AP1M1: variants seen among roughly 807,000 people sequenced by gnomAD.
The protein encoded by AP1M1 is adaptor related protein complex 1 subunit mu 1.
AP1M1 carries 18 observed loss-of-function variants against 57.1 expected under a neutral mutation model. That is an observed-to-expected ratio of 0.32 (90% CI 0.22 to 0.47). AP1M1 has a LOEUF of 0.47. Among genes scored for constraint, AP1M1 ranks in the 20% least tolerant of loss-of-function variants. AP1M1 has a pLI of 1.00. For synonymous variants in AP1M1, 241 were observed against 237.9 expected (o/e 1.01, Z -0.12); for missense variants, 362 against 593.5 (o/e 0.61, Z 4.05).
In AP1M1 at chr19:16,239,300, G is replaced by C. The variant is rs1438037382; in HGVS notation, c.*4865G>C. 8.4e-6 allele frequency: 1 copy of C among 118,352 alleles called. No homozygotes were observed. The highest frequency in any genetic ancestry group is 3.2e-5 in the African/African-American group (1 of 31,038). The allele number at this position is 118,352 out of a possible 1,614,324, so 7.3% of individuals were successfully genotyped here. A position where few individuals can be genotyped will look rare whatever the true frequency, so the allele number is the denominator to read the frequency against. On this transcript the variant is annotated 3_prime_UTR_variant, in exon 12 of 12. Coordinates refer to ENST00000291439, the MANE Select transcript of AP1M1 (RefSeq NM_032493.4). ...TTTTTAAGACTGCAAAGCTGGGCAT[G>C]GTAGTATGCACCTGTAGTCCCAACT... is the stretch of plus-strand genomic sequence containing the variant.
Position 16,208,162 on chromosome 19 carries a change from G to T in AP1M1, c.398+13G>T. The T allele has an allele frequency of 6.2e-7, 1 of 1,609,366 alleles. No individual in the cohort carries two copies. The highest frequency in any genetic ancestry group is 8.5e-7 in the Non-Finnish European group (1 of 1,177,546). On this transcript the variant is annotated intron_variant, in intron 4 of 11. Coordinates refer to ENST00000291439, the MANE Select transcript of AP1M1 (RefSeq NM_032493.4). ...AGATCCTGCAGGAGTGAGTGGGCAG[G>T]GGTGGGGCCTGGGGCCAGGCCTGGG...
Position 16,209,058 on chromosome 19 carries a change from GA to G in AP1M1, c.430del (p.Thr144GlnfsTer93). 1.2e-6 allele frequency: 2 copies of G among 1,614,160 alleles called. No homozygotes were observed. Among genetic ancestry groups the G allele is most frequent in the Non-Finnish European group, 1.7e-6 (2 of 1,180,010 alleles). ...CATCACTCAGGAAGGCCACAAGCTG[GA>G]AACAGGGGCCCCGCGGCCACCAGCC... ...EYITQEGHKL[E>X]TGAPRPPATV... On this transcript the variant is annotated frameshift_variant, in exon 5 of 12. Transcript: ENST00000291439. LOFTEE classifies it high-confidence loss of function.
chr19:16,206,490 C>T lies in AP1M1; in HGVS notation c.267+82C>T, dbSNP rs2091470095. The T allele has an allele frequency of 1.5e-5, 22 of 1,443,162 alleles. No individual in the cohort carries two copies. The South Asian group carries it at 2.4e-4, about 16-fold the overall frequency. 89.4% of individuals were successfully genotyped at this position (1,443,162 alleles called of 1,614,324 possible). A position where few individuals can be genotyped will look rare whatever the true frequency, so the allele number is the denominator to read the frequency against. On this transcript the variant is annotated intron_variant, in intron 3 of 11. Transcript: ENST00000291439. This position sits in a 1 kb window ranked among gnomAD's most constrained non-coding sequence, Gnocchi z 4.3. ...GTGGACCTCCCCATACCTGGCCACC[C>T]TACAGAGAGCTGTGGCATCCCCAGG...
In AP1M1 at chr19:16,206,938, A is replaced by G. The variant is rs1469003026; in HGVS notation, c.267+530A>G. ...GAGGCCAGCGTGCGTGTGGCAGAGT[A>G]TGAGGCTGAGGTCAGCTGGGAAGAG... On this transcript the variant is annotated intron_variant, in intron 3 of 11. Transcript: ENST00000291439. This position sits in a 1 kb window ranked among gnomAD's most constrained non-coding sequence, Gnocchi z 4.3. 1.3e-5 allele frequency among the ~76,000 whole-genome samples: 2 copies of G among 152,196 alleles called. No individual in the cohort carries two copies. The highest frequency in any genetic ancestry group is 2.9e-5 in the Non-Finnish European group (2 of 68,038).
At chr19:16,221,626 C>T (rs1382733787) in intron 5 of AP1M1, among the ~76,000 whole-genome samples, 1 of 152,236 alleles carries the variant, frequency 6.6e-6, no homozygotes, top group Non-Finnish European at 1.5e-5. Context: ...AGTACAAGGA[C>T]ACAGAATGTA....
chr19:16,242,366 T>A lies in AP1M1; in HGVS notation c.*7931T>A, dbSNP rs2091648537. The A allele has an allele frequency of 1.3e-5, 2 of 152,140 alleles. No individual in the cohort carries two copies. The highest frequency in any genetic ancestry group is 2.9e-5 in the Non-Finnish European group (2 of 68,030). The allele number at this position is 152,140 out of a possible 1,614,324, so 9.4% of individuals were successfully genotyped here. A position where few individuals can be genotyped will look rare whatever the true frequency, so the allele number is the denominator to read the frequency against. On this transcript the variant is annotated 3_prime_UTR_variant, in exon 12 of 12. Coordinates refer to ENST00000291439, the MANE Select transcript of AP1M1 (RefSeq NM_032493.4). Reference sequence around the variant, plus strand: ...GGATAAATGCAGGGATGTTCTAAACTTTTTAAAATAATAAATAATAGTACT... The same window carrying A: ...GGATAAATGCAGGGATGTTCTAAACATTTTAAAATAATAAATAATAGTACT...
chr19:16,213,644 G>A (rs569327699), intron 5 of AP1M1, among the ~76,000 whole-genome samples: 6 of 152,150 alleles, frequency 3.9e-5, no homozygotes, highest in African/African-American at 1.2e-4. Flanking sequence ...ACAGGCACGC[G>A]CCACCACGCC....
At chr19:16,208,829 T>G in intron 4 of AP1M1, 1 of 557,466 alleles carries the variant, frequency 1.8e-6, no homozygotes, top group Admixed American at 3.2e-5. Flanking sequence ...CTTTTGGAAA[T>G]TGTGAAGATT....
At chr19:16,212,910 T>C (rs34251924) in intron 5 of AP1M1, among the ~76,000 whole-genome samples, 100,101 of 151,992 alleles carry the variant, frequency 0.66, 35,213 homozygotes, top group Non-Finnish European at 0.8. Flanking sequence ...TGGGTTTGAG[T>C]GATTTTCTTA....
At chr19:16,205,375 T>G (rs2091465278) in intron 2 of AP1M1, among the ~76,000 whole-genome samples, 1 of 152,052 alleles carries the variant, frequency 6.6e-6, no homozygotes, top group Non-Finnish European at 1.5e-5. Context: ...GAGGCACCCA[T>G]GAGAAGGTGA....
chr19:16,229,107 C>T (rs1372513004), intron 9 of AP1M1, among the ~76,000 whole-genome samples, 179 bp downstream of exon 9: 1 of 152,210 alleles, frequency 6.6e-6, no homozygotes, highest in African/African-American at 2.4e-5. Context: ...GAAGCAGAGG[C>T]TGACTCGGCC....
rs1346014795 is a variant in AP1M1 at position 16,206,266 on chromosome 19, G to T, written c.200-75G>T. The T allele has an allele frequency of 4.7e-6, 7 of 1,479,196 alleles. No individual in the cohort carries two copies. Among genetic ancestry groups the T allele is most frequent in the African/African-American group, 1.4e-5 (1 of 72,146 alleles). 91.6% of individuals were successfully genotyped at this position (1,479,196 alleles called of 1,614,324 possible). ...CTCTGAGGGTTGTGAGGGTTAGGGG[G>T]TCCCTCCATGAACCAGGATCTTCCA... On this transcript the variant is annotated intron_variant, in intron 2 of 11. Transcript: ENST00000291439. This position sits in a 1 kb window ranked among gnomAD's most constrained non-coding sequence, Gnocchi z 4.3.
At chr19:16,213,483 C>T (rs1045712436) in intron 5 of AP1M1, among the ~76,000 whole-genome samples, 5 of 152,008 alleles carry the variant, frequency 3.3e-5, no homozygotes, top group African/African-American at 1.2e-4. Flanking sequence ...GGTGTTATTG[C>T]ATCTGAGATG....
rs34039189 is a variant in AP1M1 at position 16,238,722 on chromosome 19, C to CTTTTT, written c.*4300_*4304dup. The CTTTTT allele has an allele frequency of 8.7e-6, 1 of 115,322 alleles. No homozygotes were observed. Among genetic ancestry groups the CTTTTT allele is most frequent in the Admixed American group, 9.2e-5 (1 of 10,824 alleles). 7.1% of individuals were successfully genotyped at this position (115,322 alleles called of 1,614,324 possible). On this transcript the variant is annotated 3_prime_UTR_variant, in exon 12 of 12. Transcript: ENST00000291439. ...GCTTGTTCTGTATTCTTTCTTTATG[C>CTTTTT]TTTTTTTTTTTTTTTTTGACAGGGT...
At chr19:16,208,172 T>TGGGGCCA in intron 4 of AP1M1, 23 bp downstream of exon 4, 1 of 1,603,240 alleles carries the variant, frequency 6.2e-7, no homozygotes, top group Non-Finnish European at 8.5e-7. Context: ...GGGTGGGGCC[T>TGGGGCCA]GGGGCCAGGC....
chr19:16,214,425 C>T (rs1215363345), intron 5 of AP1M1, among the ~76,000 whole-genome samples: 1 of 149,900 alleles, frequency 6.7e-6, no homozygotes, highest in African/African-American at 2.5e-5. Context: ...GATCTCTGCT[C>T]ACTGCAACCT....
chr19:16,228,244 G>C lies in AP1M1; in HGVS notation c.888+36G>C. On this transcript the variant is annotated intron_variant, in intron 8 of 11. Coordinates refer to ENST00000291439, the MANE Select transcript of AP1M1 (RefSeq NM_032493.4). The surrounding 1 kb of genome is among the most constrained non-coding windows in gnomAD (Gnocchi z 5.0). ...CGAGGCCACCCACTGAGGGCCTTCT[G>C]GTGTCTCTGGCCCGTCCCAGGAGCC... The C allele has an allele frequency of 6.2e-7, 1 of 1,606,640 alleles. No homozygotes were observed. Among genetic ancestry groups the C allele is most frequent in the Non-Finnish European group, 8.5e-7 (1 of 1,175,774 alleles).
chr19:16,208,167 G>T lies in AP1M1; in HGVS notation c.398+18G>T. ...CTGCAGGAGTGAGTGGGCAGGGGTG[G>T]GGCCTGGGGCCAGGCCTGGGCGGTG... is the stretch of plus-strand genomic sequence containing the variant. On this transcript the variant is annotated intron_variant, in intron 4 of 11. Coordinates refer to ENST00000291439, the MANE Select transcript of AP1M1 (RefSeq NM_032493.4). The T allele has an allele frequency of 6.2e-7, 1 of 1,607,368 alleles. No individual in the cohort carries two copies. Among genetic ancestry groups the T allele is most frequent in the Non-Finnish European group, 8.5e-7 (1 of 1,176,600 alleles).
chr19:16,205,175 G>A (rs1026777420), intron 2 of AP1M1, among the ~76,000 whole-genome samples: 2 of 152,136 alleles, frequency 1.3e-5, no homozygotes, highest in African/African-American at 2.4e-5. Context: ...CTCTGAAGCC[G>A]CCCAGGTATT....
Sources: allele counts gnomAD v4.1 joint callset (sites outside exome capture counted in the v4.1 genomes callset), GRCh38; gene constraint gnomAD v4.1.1; non-coding constraint Gnocchi (gnomAD v3.1); transcripts MANE v1.5; gene names NCBI Gene and HGNC (gene_info 2026-07-23, HGNC 2026-07-21).